TMEM131: variants seen among roughly 807,000 people sequenced by gnomAD.
TMEM131 encodes the protein 2610524E03Rik.
In TMEM131, 66 loss-of-function variants were observed where a neutral mutation model predicts 211.6. The observed-to-expected ratio is 0.31, with a 90% confidence interval of 0.26 to 0.38. The LOEUF (loss-of-function observed/expected upper bound fraction) is 0.38, where lower values mean the gene tolerates loss of function less well. Among genes scored for constraint, TMEM131 ranks in the 10% least tolerant of loss-of-function variants. The pLI is 1.00. For synonymous variants in TMEM131, 844 were observed against 841.3 expected (o/e 1.00, Z -0.06); for missense variants, 2,036 against 2,299.3 (o/e 0.89, Z 2.34).
intron 5 of TMEM131, among the ~76,000 whole-genome samples, chr2:97,849,235 T>C (rs1224263775): frequency 2.6e-5 from 4 of 152,148 alleles, no homozygotes; most frequent in South Asian, 2.1e-4. Context: ...ACAGTTGTTA[T>C]AAAAAACTGT....
intron 11 of TMEM131, among the ~76,000 whole-genome samples, chr2:97,829,828 G>T (rs1434760769): frequency 6.6e-6 from 1 of 152,100 alleles, no homozygotes; most frequent in Non-Finnish European, 1.5e-5. Context: ...ATGCTTAAAG[G>T]CTAGAAGTGG....
At chr2:97,962,600 C>G (rs1164424062) in intron 1 of TMEM131, among the ~76,000 whole-genome samples, 1 of 152,172 alleles carries the variant, frequency 6.6e-6, no homozygotes, top group African/African-American at 2.4e-5. Context: ...AACTGGAACT[C>G]TCACATCCTG....
rs546684124 is a variant in TMEM131, at chr2:97,947,514, C to T, written c.188-20027G>A. Among the ~76,000 whole-genome samples, 5 of 152,026 alleles carry T rather than the reference C, an allele frequency of 3.3e-5. No homozygotes were observed. The South Asian group carries it at 1.0e-3, about 32-fold the overall frequency. The stretch of plus-strand genomic sequence containing the variant: ...AACCATTTACAATTGCATCAAAATA[C>T]TAAGATAAATATTTGACAAAATACA... On this transcript the variant is annotated intron_variant, in intron 1 of 40. Transcript: ENST00000186436.
chr2:97,839,924 C>T (rs189020255), intron 7 of TMEM131, among the ~76,000 whole-genome samples: 6 of 152,296 alleles, frequency 3.9e-5, no homozygotes, highest in Non-Finnish European at 5.9e-5. Flanking sequence ...GACGTTTTTG[C>T]TTCATTCATG....
intron 12 of TMEM131, 66 bp from the exon 13 acceptor site, chr2:97,815,373 G>A: frequency 2.0e-6 from 2 of 980,558 alleles, no homozygotes; most frequent in Non-Finnish European, 2.9e-6. Context: ...GTGAATTTAT[G>A]TAAATTGACA....
At chr2:97,846,296 A>G (rs1683426940) in intron 5 of TMEM131, among the ~76,000 whole-genome samples, 2 of 152,222 alleles carry the variant, frequency 1.3e-5, no homozygotes, top group South Asian at 4.1e-4. Context: ...AACTTTCCAC[A>G]AAGTACGGCA....
At chr2:97,967,933 G>C (rs1679129407) in intron 1 of TMEM131, among the ~76,000 whole-genome samples, 1 of 151,434 alleles carries the variant, frequency 6.6e-6, no homozygotes, top group Non-Finnish European at 1.5e-5. Context: ...GGGAGGCACA[G>C]AAGAAAAATC....
Position 97,828,190 on chromosome 2 carries a change from G to A in TMEM131, c.1074+5175C>T, listed in dbSNP as rs558194833. 3.0e-4 allele frequency among the ~76,000 whole-genome samples: 45 copies of A among 152,158 alleles called. 1 individual carries two copies. The South Asian group carries it at 9.4e-3, about 32-fold the overall frequency. On this transcript the variant is annotated intron_variant, in intron 11 of 40. Coordinates refer to ENST00000186436, the MANE Select transcript of TMEM131 (RefSeq NM_015348.2). ...ATACTGGTACTTGATAGCCTCTTAA[G>A]GAAAATTTGCTTCCAAATTTTAAGC...
intron 5 of TMEM131, among the ~76,000 whole-genome samples, chr2:97,854,214 C>T (rs1046844762): frequency 6.6e-6 from 1 of 152,172 alleles, no homozygotes; most frequent in African/African-American, 2.4e-5. Context: ...AAGATGACGA[C>T]TTGCAGAAGG....
At chr2:97,937,186 C>A (rs1411292718) in intron 1 of TMEM131, among the ~76,000 whole-genome samples, 1 of 151,970 alleles carries the variant, frequency 6.6e-6, no homozygotes, top group Non-Finnish European at 1.5e-5. Flanking sequence ...AGTATGAGAA[C>A]AACGCTTCAC....
At chr2:97,988,894 ATC>A in intron 1 of TMEM131, among the ~76,000 whole-genome samples, 1 of 152,312 alleles carries the variant, frequency 6.6e-6, no homozygotes, top group Middle Eastern at 3.4e-3. Flanking sequence ...TGATCCAGAA[ATC>A]TCTCTTCTGG....
At chr2:97,840,475 G>A (rs1278183334) in intron 7 of TMEM131, among the ~76,000 whole-genome samples, 5 of 152,318 alleles carry the variant, frequency 3.3e-5, no homozygotes, top group African/African-American at 4.8e-5. Context: ...CTGTCATCTC[G>A]GCACTTTGGG....
intron 5 of TMEM131, among the ~76,000 whole-genome samples, chr2:97,855,351 C>A (rs571534309): frequency 6.6e-6 from 1 of 152,160 alleles, no homozygotes; most frequent in South Asian, 2.1e-4. Flanking sequence ...TGCTTTATTC[C>A]GGCTCTTATT....
At chr2:97,851,037 G>C (rs1673602670) in intron 5 of TMEM131, among the ~76,000 whole-genome samples, 1 of 151,168 alleles carries the variant, frequency 6.6e-6, no homozygotes, top group Admixed American at 6.6e-5. Context: ...TAGGAGATCT[G>C]AGTTTCTAGT....
chr2:97,793,821 C>T (rs1052195391), intron 29 of TMEM131, among the ~76,000 whole-genome samples: 4 of 151,470 alleles, frequency 2.6e-5, no homozygotes, highest in Non-Finnish European at 4.4e-5. Flanking sequence ...GGTGAAACCC[C>T]GTCTCTACTA....
At chr2:97,978,095 AAATAATAATAAAT>A (rs1679623426) in intron 1 of TMEM131, among the ~76,000 whole-genome samples, 1 of 152,010 alleles carries the variant, frequency 6.6e-6, no homozygotes, top group African/African-American at 2.4e-5. Context: ...TTGGGGAAAA[AAATAATAATAAAT>A]AATAATAATA....
intron 9 of TMEM131, 41 bp from the exon 10 acceptor site, chr2:97,834,718 C>CAG: frequency 6.3e-7 from 1 of 1,595,656 alleles, no homozygotes; most frequent in East Asian, 2.2e-5. Flanking sequence ...TTCACTTTGC[C>CAG]AGAGTAAGCT....
chr2:97,969,056 G>A (rs1056193874), intron 1 of TMEM131, among the ~76,000 whole-genome samples: 4 of 148,068 alleles, frequency 2.7e-5, no homozygotes, highest in South Asian at 2.1e-4. Context: ...CACTGCACTT[G>A]AGTATGGGTG....
chr2:97,982,933 T>C (rs1343298426), intron 1 of TMEM131, among the ~76,000 whole-genome samples: 2 of 152,218 alleles, frequency 1.3e-5, no homozygotes, highest in African/African-American at 2.4e-5. Context: ...AACACCCTTG[T>C]TGGAGGCCAC....
Sources: gnomAD v4.1 joint callset for allele counts (sites outside exome capture counted in the v4.1 genomes callset) on GRCh38, gnomAD v4.1.1 for gene constraint, MANE v1.5 for transcripts, NCBI Gene and HGNC (gene_info 2026-07-23, HGNC 2026-07-21) for gene names.